LRP2: variants seen among roughly 807,000 people sequenced by gnomAD.
LRP2 encodes low-density lipoprotein receptor-related protein 2.
LRP2 carries 172 observed loss-of-function variants against 531.0 expected under a neutral mutation model. That is an observed-to-expected ratio of 0.32 (90% CI 0.29 to 0.37). The LOEUF is 0.37. LRP2 is among the 10% of genes least tolerant of loss of function. The pLI is 1.00. For missense variants in LRP2, 5,167 were observed against 5,868.3 expected, an observed-to-expected ratio of 0.88 and a Z score of 3.90; for synonymous variants, 1,992 against 2,027.6, an observed-to-expected ratio of 0.98 and a Z score of 0.47.
At chr2:169,178,047 A>T in intron 52 of LRP2, 21 bp from the exon 53 acceptor site, 4 of 1,561,210 alleles carry the variant, frequency 2.6e-6, no homozygotes, top group Non-Finnish European at 3.5e-6. Context: ...AAGCAGAAAC[A>T]GTTATGTGAT....
chr2:169,133,867 A>G (rs938467897), intron 76 of LRP2, among the ~76,000 whole-genome samples: 1 of 152,116 alleles, frequency 6.6e-6, no homozygotes, highest in African/African-American at 2.4e-5. Context: ...TGAACCTGAC[A>G]CCCATCAGGC....
In LRP2 at chr2:169,188,030, T is replaced by C. The variant is rs1398098863; in HGVS notation, c.9268A>G (p.Met3090Val). 1.2e-6 allele frequency: 2 copies of C among 1,614,148 alleles called. No homozygotes were observed. The highest frequency in any genetic ancestry group is 2.2e-5 in the East Asian group (1 of 44,882). Residue 3090 changes from methionine (M) to valine (V), a missense_variant, in exon 49 of 79, where the codon ATG becomes GTG. By Grantham distance (21) the Met-to-Val change is conservative (BLOSUM62 1). Coordinates refer to ENST00000649046, the MANE Select transcript of LRP2 (RefSeq NM_004525.3). ...TCTAGGTGGTTGCAGAGTTTCATCA[T>C]CTCGATGCAGCGCCCATTGTCACAC... is the stretch of plus-strand genomic sequence containing the variant. ...FKCDNGRCIE[M>V]MKLCNHLDDC...
At chr2:169,328,465 GA>G (rs1381047332) in intron 1 of LRP2, among the ~76,000 whole-genome samples, 14 of 111,346 alleles carry the variant, frequency 1.3e-4, no homozygotes, top group South Asian at 5.8e-4. Flanking sequence ...AAAAAAAAAA[GA>G]AAAAAAAAGA....
At position 169,299,111 on chromosome 2, in the gene LRP2, G is replaced by A. The variant is rs1333515102; in HGVS notation, c.428-4401C>T. On this transcript the variant is annotated intron_variant, in intron 4 of 78. Coordinates refer to ENST00000649046, the MANE Select transcript of LRP2 (RefSeq NM_004525.3). ...GGAAAGAAAGAAAGAAAGAAAGAAAGAAAGAAAGAAAGAAAGAAAGAAAGA... is the reference window on the plus strand; with the variant it reads ...GGAAAGAAAGAAAGAAAGAAAGAAAAAAAGAAAGAAAGAAAGAAAGAAAGA... Among the ~76,000 whole-genome samples, 9 of 59,520 alleles carry A rather than the reference G, an allele frequency of 1.5e-4. 1 individual carries two copies. The highest frequency in any genetic ancestry group is 6.1e-4 in the African/African-American group (9 of 14,658). The allele number at this position is 59,520 out of a possible 152,430, so 39.0% of individuals were successfully genotyped here.
rs3083236 is a variant in LRP2, at chr2:169,178,984, GATTTATTT to G, written c.10170-966_10170-959del. 6.1e-3 allele frequency among the ~76,000 whole-genome samples: 887 copies of G among 146,094 alleles called. 8 individuals carry two copies. The highest frequency in any genetic ancestry group is 0.018 in the African/African-American group (726 of 39,798). On this transcript the variant is annotated intron_variant, in intron 52 of 78. Transcript: ENST00000649046. ...AATGACCAGAAATTAGTCACCATCT[GATTTATTT>G]ATTTATTTATTTATTTATTTATTTA...
intron 68 of LRP2, among the ~76,000 whole-genome samples, chr2:169,149,104 G>T (rs1686030569): frequency 6.6e-6 from 1 of 152,206 alleles, no homozygotes; most frequent in South Asian, 2.1e-4. Context: ...GTCTGAAGGA[G>T]CATGGTGTTA....
chr2:169,286,842 AAG>A (rs544525637), intron 9 of LRP2, among the ~76,000 whole-genome samples: 174 of 152,330 alleles, frequency 1.1e-3, no homozygotes, highest in Non-Finnish European at 1.9e-3. Flanking sequence ...ATAAAGGAAA[AAG>A]AGAGAAAAGC....
intron 31 of LRP2, among the ~76,000 whole-genome samples, chr2:169,229,292 T>C (rs1689314883): frequency 6.6e-6 from 1 of 152,188 alleles, no homozygotes; most frequent in Non-Finnish European, 1.5e-5. Context: ...CCATTAATGT[T>C]AGTGTCAGCA....
intron 43 of LRP2, among the ~76,000 whole-genome samples, chr2:169,202,082 CA>C (rs1257670165): frequency 6.6e-6 from 1 of 152,118 alleles, no homozygotes; most frequent in Non-Finnish European, 1.5e-5. Context: ...GTTTTAGGCA[CA>C]AATCAAGTAA....
At chr2:169,289,497 C>T (rs1389013192) in intron 8 of LRP2, among the ~76,000 whole-genome samples, 4 of 151,976 alleles carry the variant, frequency 2.6e-5, no homozygotes, top group Admixed American at 2.6e-4. Context: ...ATGGAGGCTG[C>T]AGTGAGCTAT....
intron 38 of LRP2, among the ~76,000 whole-genome samples, chr2:169,209,052 AT>A (rs1559017654): frequency 6.6e-6 from 1 of 152,196 alleles, no homozygotes; most frequent in Non-Finnish European, 1.5e-5. Context: ...GGCAACTAAA[AT>A]TGCTCAGCTT....
At position 169,201,638 on chromosome 2, in the gene LRP2, C is replaced by A. The variant is rs1353621100; in HGVS notation, c.8442G>T (p.Glu2814Asp). 3 of 1,614,032 alleles carry A rather than the reference C, an allele frequency of 1.9e-6. No homozygotes were observed. The African/African-American group carries it at 4.0e-5, about 22-fold the overall frequency. Residue 2814 changes from glutamate to aspartate, a missense_variant, in exon 44 of 79, where the codon GAG becomes GAT. Transcript: ENST00000649046. ...TTAAGATAAACTTACGGCAATTTTT[C>A]TCATCTGAAGTGTTATTATCATGGC... ...DNCHDNNTSDEKNCPDRTCQS... is the reference protein window; with the variant it reads ...DNCHDNNTSDDKNCPDRTCQS...
chr2:169,219,830 A>T (rs532459121), intron 34 of LRP2, among the ~76,000 whole-genome samples: 1 of 151,982 alleles, frequency 6.6e-6, no homozygotes, highest in East Asian at 1.9e-4. Flanking sequence ...TTTAAAAAAA[A>T]TCCCTACTTG....
At chr2:169,322,244 C>A (rs1355328912) in intron 1 of LRP2, among the ~76,000 whole-genome samples, 11 of 152,168 alleles carry the variant, frequency 7.2e-5, no homozygotes, top group Admixed American at 7.2e-4. Context: ...GGCATATCAA[C>A]AGCATGACAT....
chr2:169,273,008 T>C lies in LRP2; in HGVS notation c.2035A>G (p.Arg679Gly), dbSNP rs372652358. Residue 679 changes from arginine to glycine, a missense_variant, in exon 15 of 79, where the codon AGA becomes GGA. Physicochemically the swap from Arg to Gly is moderately radical, Grantham distance 125 (BLOSUM62 -2). Transcript: ENST00000649046. Reference sequence around the variant, plus strand: ...AAACCCAAACCATCATTATCTGTTCTGTGGCTGAGGACACAGACCTGCTCA... The same window carrying C: ...AAACCCAAACCATCATTATCTGTTCCGTGGCTGAGGACACAGACCTGCTCA... The part of the protein sequence containing the change: ...GCEQVCVLSH[R>G]TDNDGLGFRC... 2.2e-5 allele frequency: 35 copies of C among 1,613,684 alleles called. No individual in the cohort carries two copies. The highest frequency in any genetic ancestry group is 2.8e-5 in the Non-Finnish European group (33 of 1,179,796).
At chr2:169,245,274 G>C (rs938067863) in intron 21 of LRP2, among the ~76,000 whole-genome samples, 16 of 152,114 alleles carry the variant, frequency 1.1e-4, no homozygotes, top group Non-Finnish European at 1.5e-4. Context: ...TATGATTCAC[G>C]CTCTGGTTGG....
intron 9 of LRP2, among the ~76,000 whole-genome samples, chr2:169,287,400 G>A (rs936565987): frequency 7.2e-5 from 11 of 152,210 alleles, no homozygotes; most frequent in East Asian, 1.9e-4. Flanking sequence ...ACTTTGGGAC[G>A]TGGTCCTGAT....
At chr2:169,242,485 T>C (rs778975117) in intron 24 of LRP2, among the ~76,000 whole-genome samples, 6 of 152,212 alleles carry the variant, frequency 3.9e-5, no homozygotes, top group Non-Finnish European at 5.9e-5. Flanking sequence ...ATAATCTCCA[T>C]AGATAACATC....
At chr2:169,227,817 C>T (rs530593942) in intron 31 of LRP2, among the ~76,000 whole-genome samples, 280 of 152,174 alleles carry the variant, frequency 1.8e-3, no homozygotes, top group Non-Finnish European at 3.8e-4. Context: ...ACTATTAATG[C>T]TTTACATTTT....
Sources: allele counts gnomAD v4.1 joint callset (sites outside exome capture counted in the v4.1 genomes callset), GRCh38; gene constraint gnomAD v4.1.1; transcripts MANE v1.5; gene names NCBI Gene and HGNC (gene_info 2026-07-23, HGNC 2026-07-21).